The following ARHGAP17 variants were observed in gnomAD, a reference collection of about 807,000 sequenced individuals.
ARHGAP17 encodes Rho GTPase activating protein 17, also known as rho GTPase-activating protein 17.
Under a neutral mutation model 99.5 loss-of-function variants are expected in ARHGAP17, and 57 were observed. That is an observed-to-expected ratio of 0.57 (90% confidence interval 0.46 to 0.71). The LOEUF (loss-of-function observed/expected upper bound fraction) is 0.71. ARHGAP17 is among the 30% of genes least tolerant of loss of function. ARHGAP17 has a pLI of 0.00. For synonymous variants in ARHGAP17, 417 were observed against 429.6 expected (o/e 0.97, Z 0.36); for missense variants, 1,000 against 1,122.4 (o/e 0.89, Z 1.56).
chr16:24,996,068 T>TA (rs2053183701), intron 1 of ARHGAP17, among the ~76,000 whole-genome samples: 1 of 152,128 alleles, frequency 6.6e-6, no homozygotes, highest in Non-Finnish European at 1.5e-5. Context: ...TTTTAACTTC[T>TA]AAGACTTAAA....
intron 8 of ARHGAP17, 63 bp downstream of exon 8, chr16:24,959,848 A>C: frequency 6.2e-7 from 1 of 1,604,114 alleles, no homozygotes; most frequent in Non-Finnish European, 8.5e-7. Context: ...AATCTTTTGC[A>C]AAAAAGCTAA....
chr16:24,933,510 A>G (rs1289859878), intron 18 of ARHGAP17, among the ~76,000 whole-genome samples: 4 of 151,808 alleles, frequency 2.6e-5, no homozygotes, highest in African/African-American at 9.7e-5. Flanking sequence ...AAAAAAAAAA[A>G]GAAAAAAGGG....
chr16:25,013,621 C>CA lies in ARHGAP17; in HGVS notation c.53+1587dup, dbSNP rs779178782. Among the ~76,000 whole-genome samples, 484 of 120,930 alleles carry CA rather than the reference C, an allele frequency of 4.0e-3. 2 individuals carry two copies. Among genetic ancestry groups the CA allele is most frequent in the Middle Eastern group, 0.025 (6 of 242 alleles). The allele number at this position is 120,930 out of a possible 152,430, so 79.3% of individuals were successfully genotyped here. A position where few individuals can be genotyped will look rare whatever the true frequency, so the allele number is the denominator to read the frequency against. On this transcript the variant is annotated intron_variant, in intron 1 of 19. Transcript: ENST00000289968. ...TGGGTGACAAAGGGAGACCCTGTCTCAAAAAAAAAAAAAAGTGTGAAGGGA... is the reference window on the plus strand; with the variant it reads ...TGGGTGACAAAGGGAGACCCTGTCTCAAAAAAAAAAAAAAAGTGTGAAGGGA...
chr16:24,969,856 C>T (rs935106369), intron 4 of ARHGAP17, among the ~76,000 whole-genome samples: 20 of 152,254 alleles, frequency 1.3e-4, no homozygotes, highest in East Asian at 7.7e-4. Context: ...TAACTGTAGA[C>T]GCTGAGAAAT....
chr16:24,976,321 G>A (rs1462337328), intron 3 of ARHGAP17, among the ~76,000 whole-genome samples: 1 of 152,200 alleles, frequency 6.6e-6, no homozygotes, highest in Non-Finnish European at 1.5e-5. Flanking sequence ...GAGGCCAGGA[G>A]TTCTACATCA....
Position 24,939,743 on chromosome 16 carries a change from G to A in ARHGAP17, c.1491-146C>T, listed in dbSNP as rs562576208. On this transcript the variant is annotated intron_variant, in intron 16 of 19. Transcript: ENST00000289968. ...GTGAAGCGGCAAGGACCAGACTAAT[G>A]GCCACCCCTGAGCAACTCCACTCGG... 3.9e-5 allele frequency: 31 copies of A among 800,910 alleles called. No individual in the cohort carries two copies. In the South Asian group the frequency reaches 4.9e-4, roughly 13 times the overall value. The allele number at this position is 800,910 out of a possible 1,614,324, so 49.6% of individuals were successfully genotyped here. A position where few individuals can be genotyped will look rare whatever the true frequency, so the allele number is the denominator to read the frequency against.
chr16:25,006,523 G>A (rs1446677037), intron 1 of ARHGAP17, among the ~76,000 whole-genome samples: 3 of 152,118 alleles, frequency 2.0e-5, no homozygotes, highest in African/African-American at 7.2e-5. Context: ...TGAGATGATG[G>A]AGGAAAAAGA....
chr16:24,954,533 G>T (rs902224463), intron 10 of ARHGAP17, 70 bp downstream of exon 10: 1 of 1,541,564 alleles, frequency 6.5e-7, no homozygotes, highest in Admixed American at 1.9e-5. Context: ...GGGCTGGCGG[G>T]GAGCATGGTG....
At chr16:24,957,147 G>C (rs927755876) in intron 9 of ARHGAP17, 1 of 152,560 alleles carries the variant, frequency 6.6e-6, no homozygotes, top group African/African-American at 2.4e-5. Context: ...GCACTGGATG[G>C]AAGAGAGGAA....
At chr16:24,995,458 G>A (rs573230820) in intron 1 of ARHGAP17, among the ~76,000 whole-genome samples, 1 of 152,224 alleles carries the variant, frequency 6.6e-6, no homozygotes, top group East Asian at 1.9e-4. Context: ...AGGGAAGAGA[G>A]AGCAGGGAGG....
intron 1 of ARHGAP17, among the ~76,000 whole-genome samples, chr16:25,009,282 G>A (rs978392819): frequency 2.6e-5 from 4 of 151,678 alleles, no homozygotes; most frequent in East Asian, 1.9e-4. Context: ...AAGGAGAATC[G>A]CTTGAACCCA....
intron 1 of ARHGAP17, among the ~76,000 whole-genome samples, chr16:25,002,638 G>A (rs1274043327): frequency 6.6e-6 from 1 of 152,220 alleles, no homozygotes; most frequent in Non-Finnish European, 1.5e-5. Flanking sequence ...TCAAAAGTTG[G>A]TGCTCCAGGC....
chr16:24,998,106 C>T (rs759058657), intron 1 of ARHGAP17, among the ~76,000 whole-genome samples: 15 of 151,634 alleles, frequency 9.9e-5, no homozygotes, highest in Non-Finnish European at 1.9e-4. Flanking sequence ...AAGCCAGGAG[C>T]GAGGTGCGGG....
At chr16:24,989,963 T>C (rs78556534) in intron 1 of ARHGAP17, among the ~76,000 whole-genome samples, 2,433 of 152,252 alleles carry the variant, frequency 0.016, 62 homozygotes, top group African/African-American at 0.055. Flanking sequence ...GTAGGGTGAA[T>C]ATGACTAACA....
intron 19 of ARHGAP17, among the ~76,000 whole-genome samples, chr16:24,924,471 C>G (rs1301317583): frequency 6.8e-6 from 1 of 148,130 alleles, no homozygotes; most frequent in Non-Finnish European, 1.5e-5. Context: ...AAAATATCTA[C>G]TGTATGAACT....
At chr16:24,977,630 G>A (rs1304120745) in intron 2 of ARHGAP17, among the ~76,000 whole-genome samples, 1 of 152,164 alleles carries the variant, frequency 6.6e-6, no homozygotes, top group Non-Finnish European at 1.5e-5. Context: ...ACATCAGACA[G>A]AAGCAGCAAA....
At position 24,964,287 on chromosome 16, in the gene ARHGAP17, G is replaced by C; in HGVS notation, c.483C>G (p.Ser161=). ...GAAGCCCCTGAAAGTTGGTTCCTGA[G>C]GATTTGTGAGCTTGGTTCCACCTGC... ...VRARWNQAHK[S]SGTNFQGLPS... is the part of the protein sequence containing the mutation. The change falls in exon 7 of 20, where the codon TCC becomes TCG. Residue 161 remains serine, a synonymous_variant. Transcript: ENST00000289968. 6.2e-7 allele frequency: 1 copy of C among 1,613,662 alleles called. No homozygotes were observed. The highest frequency in any genetic ancestry group is 8.5e-7 in the Non-Finnish European group (1 of 1,179,814).
intron 13 of ARHGAP17, 64 bp downstream of exon 13, chr16:24,949,340 G>A: frequency 7.7e-7 from 1 of 1,306,810 alleles, no homozygotes; most frequent in East Asian, 2.4e-5. Flanking sequence ...TGAATTAAAT[G>A]ACTTCTCTGC....
rs1331678570 is a variant in ARHGAP17 at position 24,931,263 on chromosome 16, G to T, written c.2036C>A (p.Thr679Asn). The T allele has an allele frequency of 2.6e-6, 4 of 1,537,446 alleles. No individual in the cohort carries two copies. Among genetic ancestry groups the T allele is most frequent in the Non-Finnish European group, 3.5e-6 (4 of 1,142,182 alleles). ...KPPTRSPSPP[T>N]QHTGQPPGQP... ...GCCTGGAGGCTGGCCCGTGTGCTGG[G>T]TGGGAGGAGAGGGGCTTCGGGTGGG... The change falls in exon 19 of 20, where the codon ACC becomes AAC. Residue 679 changes from threonine (T) to asparagine (N), a missense_variant. Thr to Asn is a moderately conservative substitution (Grantham distance 65). Around this residue, in one of 2 missense-constraint regions of ARHGAP17, gnomAD observed 528 missense variants for 511.4 expected, o/e 1.03. Transcript: ENST00000289968.
Sources: allele counts gnomAD v4.1 joint callset (sites outside exome capture counted in the v4.1 genomes callset), GRCh38; gene constraint gnomAD v4.1.1; regional missense constraint gnomAD v4.1.1; transcripts MANE v1.5; gene names NCBI Gene and HGNC (gene_info 2026-07-23, HGNC 2026-07-21).